The following APOL3 variants were observed in gnomAD, a reference collection of about 807,000 sequenced individuals.
APOL3 encodes the protein TNF-inducible protein CG12-1.
A neutral mutation model predicts 11.6 loss-of-function variants in APOL3; 14 were observed. The ratio of observed to expected loss-of-function variants is 1.21; its 90% CI spans 0.80 to 1.89. The LOEUF (loss-of-function observed/expected upper bound fraction) is 1.89, where lower values mean the gene tolerates loss of function less well. Ranked by LOEUF, APOL3 falls within the 40% of genes most tolerant of loss-of-function variation. The pLI is 0.00. For synonymous variants in APOL3, 192 were observed against 190.6 expected, an observed-to-expected ratio of 1.01 and a Z score of -0.06; for missense variants, 483 against 492.1, an observed-to-expected ratio of 0.98 and a Z score of 0.17.
chr22:36,163,329 G>A (rs760459823), upstream of APOL3, among the ~76,000 whole-genome samples: 2 of 152,154 alleles, frequency 1.3e-5, no homozygotes, highest in African/African-American at 2.4e-5. Context: ...GTTTACAGCC[G>A]GGAACGAAGG....
chr22:36,152,240 C>T (rs1234290820), intron 1 of APOL3, among the ~76,000 whole-genome samples: 3 of 151,996 alleles, frequency 2.0e-5, no homozygotes, highest in Non-Finnish European at 4.4e-5. Context: ...TGAAGGCAAA[C>T]AGTACAAGAG....
At chr22:36,141,387 C>A in exon 3 of APOL3, 1 of 1,614,208 alleles carries the variant, frequency 6.2e-7, no homozygotes, top group Non-Finnish European at 8.5e-7. Flanking sequence ...AGTGGTCGCA[C>A]TCAGGATCCG....
At chr22:36,164,312 A>G (rs2013804773), upstream of APOL3, among the ~76,000 whole-genome samples, 1 of 152,212 alleles carries the variant, frequency 6.6e-6, no homozygotes, top group Non-Finnish European at 1.5e-5. Flanking sequence ...CACTTCTGTT[A>G]ACCGACCAGA....
intron 1 of APOL3, chr22:36,149,443 TA>T: frequency 2.4e-6 from 3 of 1,249,182 alleles, no homozygotes; most frequent in Non-Finnish European, 3.2e-6. Flanking sequence ...CTACAGAGTC[TA>T]TACACCGAAA....
At chr22:36,156,886 C>T (rs913774771) in intron 1 of APOL3, 23 of 451,948 alleles carry the variant, frequency 5.1e-5, no homozygotes, top group African/African-American at 3.4e-4. Flanking sequence ...GGCTGAAATC[C>T]GAGGTGTGGG....
intron 2 of APOL3, among the ~76,000 whole-genome samples, chr22:36,144,828 T>C (rs1055130139): frequency 1.3e-5 from 2 of 151,600 alleles, no homozygotes; most frequent in East Asian, 3.9e-4. Context: ...GCTAACACGA[T>C]GAAACCCCGT....
rs146483180 is a variant in APOL3, at chr22:36,148,460, C to T, written c.224-2861G>A. 2.8e-3 allele frequency among the ~76,000 whole-genome samples: 423 copies of T among 152,332 alleles called. 3 individuals carry two copies. The highest frequency in any genetic ancestry group is 9.5e-3 in the African/African-American group (394 of 41,586). On this transcript the variant is annotated intron_variant, in intron 1 of 2. Coordinates refer to ENST00000349314, the Ensembl canonical transcript of APOL3. ...TGACCACATGGGGAAATATTATACT[C>T]GCATTCCAGGTGAGGGGAGGTAAGA... is the stretch of plus-strand genomic sequence containing the variant.
chr22:36,156,396 T>C (rs952980304), intron 1 of APOL3, among the ~76,000 whole-genome samples: 3 of 152,184 alleles, frequency 2.0e-5, no homozygotes, highest in Non-Finnish European at 4.4e-5. Context: ...CCACAATACC[T>C]AGGTCTCCTG....
chr22:36,165,275 C>T (rs1603476209), upstream of APOL3: 1 of 142,214 alleles, frequency 7.0e-6, no homozygotes, highest in Non-Finnish European at 1.5e-5. Flanking sequence ...TCTAACTAAC[C>T]AGGTCAATAC....
upstream of APOL3, chr22:36,164,890 G>A (rs1330031468): frequency 6.6e-6 from 1 of 152,088 alleles, no homozygotes; most frequent in Non-Finnish European, 1.5e-5. Context: ...CCCATTACAT[G>A]AACTAGCCTT....
At chr22:36,141,352 C>T (rs552735559) in exon 3 of APOL3, 1 of 1,614,232 alleles carries the variant, frequency 6.2e-7, no homozygotes, top group South Asian at 1.1e-5. Flanking sequence ...AGGTTGACCA[C>T]ATCCAGTGCA....
chr22:36,149,243 A>G lies in APOL3; in HGVS notation c.224-3644T>C, dbSNP rs115948830. On this transcript the variant is annotated intron_variant, in intron 1 of 2. Coordinates refer to ENST00000349314, the Ensembl canonical transcript of APOL3. ...CTCTGCAATCCCTTTGCGTGTCAGC[A>G]AATGCCAAGACCAACCTAGCCCGGT... The G allele has an allele frequency of 7.1e-4, 932 of 1,305,884 alleles. 6 individuals carry two copies. The African/African-American group carries it at 8.5e-3, about 12-fold the overall frequency. The allele number at this position is 1,305,884 out of a possible 1,614,324, so 80.9% of individuals were successfully genotyped here.
intron 1 of APOL3, chr22:36,154,517 A>AT (rs2012412291): frequency 9.1e-6 from 4 of 438,528 alleles, no homozygotes; most frequent in Non-Finnish European, 1.9e-5. Context: ...ATAAATGGAT[A>AT]TTTTTCCTTC....
At chr22:36,157,893 T>C (rs1255473718) in intron 1 of APOL3, among the ~76,000 whole-genome samples, 2 of 147,394 alleles carry the variant, frequency 1.4e-5, no homozygotes, top group Non-Finnish European at 2.9e-5. Flanking sequence ...CTACTAAAAA[T>C]ATCAAAATTT....
intron 1 of APOL3, chr22:36,153,477 A>G (rs1265334161): frequency 2.2e-6 from 1 of 451,322 alleles, no homozygotes; most frequent in Non-Finnish European, 4.5e-6. Flanking sequence ...TAATATTAAC[A>G]GCATAATCAG....
intron 1 of APOL3, among the ~76,000 whole-genome samples, chr22:36,152,203 A>C (rs1214324833): frequency 6.6e-6 from 1 of 151,980 alleles, no homozygotes; most frequent in African/African-American, 2.4e-5. Context: ...CATATAATTC[A>C]CAGTTTGAGA....
intron 1 of APOL3, chr22:36,159,692 C>A (rs969771047): frequency 2.0e-5 from 3 of 152,168 alleles, no homozygotes; most frequent in African/African-American, 7.2e-5. Flanking sequence ...TGAAAAGGAA[C>A]CAGGTGAGTG....
exon 3 of APOL3, chr22:36,141,324 T>C: frequency 1.9e-6 from 3 of 1,614,200 alleles, no homozygotes. Context: ...CTCATGCAAG[T>C]GCTTTGACTC....
At chr22:36,163,412 C>T (rs2013782007), upstream of APOL3, among the ~76,000 whole-genome samples, 1 of 152,228 alleles carries the variant, frequency 6.6e-6, no homozygotes, top group South Asian at 2.1e-4. Flanking sequence ...GGGCACTCAC[C>T]CCACCCGAGG....
Sources: gnomAD v4.1 joint callset for allele counts (sites outside exome capture counted in the v4.1 genomes callset) on GRCh38, gnomAD v4.1.1 for gene constraint, MANE v1.5 for transcripts, NCBI Gene and HGNC (gene_info 2026-07-23, HGNC 2026-07-21) for gene names.